Variants in NLRP12 observed in about 807,000 individuals in gnomAD.
NLRP12 encodes the protein NACHT, LRR and PYD domains-containing protein 12.
In NLRP12, 108 loss-of-function variants were observed where a neutral mutation model predicts 91.2. The ratio of observed to expected loss-of-function variants is 1.18; its 90% CI spans 1.01 to 1.39. The LOEUF (loss-of-function observed/expected upper bound fraction) is 1.39, where lower values mean the gene tolerates loss of function less well. Ranked by LOEUF, NLRP12 falls within the 40% of genes most tolerant of loss-of-function variation. NLRP12 has a pLI of 0.00. For synonymous variants in NLRP12, 613 were observed against 566.7 expected (o/e 1.08, Z -1.16); for missense variants, 1,530 against 1,352.7 (o/e 1.13, Z -2.06).
chr19:53,805,668 C>T, intron 4 of NLRP12: 1 of 602,012 alleles, frequency 1.7e-6, no homozygotes, highest in East Asian at 3.4e-5. Context: ...CAGACGTGTG[C>T]CACCATGCCT....
chr19:53,814,808 C>T, intron 2 of NLRP12, 100 bp downstream of exon 2: 1 of 924,934 alleles, frequency 1.1e-6, no homozygotes, highest in South Asian at 1.3e-5. Flanking sequence ...TTAATCCACC[C>T]CACGAATTCC....
intron 1 of NLRP12, among the ~76,000 whole-genome samples, chr19:53,819,447 ATATATATATATG>A (rs1359409128): frequency 1.2e-4 from 2 of 17,090 alleles, no homozygotes; most frequent in African/African-American, 3.8e-4. Context: ...ATATATATAT[ATATATATATATG>A]TGTGTGTGTG....
chr19:53,807,013 A>T (rs1018021028), intron 4 of NLRP12, among the ~76,000 whole-genome samples: 2 of 152,110 alleles, frequency 1.3e-5, no homozygotes, highest in Non-Finnish European at 2.9e-5. Flanking sequence ...GACTTCCAGC[A>T]GCCCCCCACC....
At chr19:53,814,539 C>T (rs532903919) in intron 2 of NLRP12, among the ~76,000 whole-genome samples, 1 of 152,156 alleles carries the variant, frequency 6.6e-6, no homozygotes, top group Non-Finnish European at 1.5e-5. Context: ...TTAGTAGAGA[C>T]GGGGTTTTGC....
chr19:53,819,401 C>A (rs1347268648), intron 1 of NLRP12, among the ~76,000 whole-genome samples: 3 of 117,732 alleles, frequency 2.5e-5, no homozygotes, highest in African/African-American at 6.5e-5. Flanking sequence ...TGTGCCACTA[C>A]GCCTGGCTAA....
At chr19:53,820,898 A>C (rs1426458052) in intron 1 of NLRP12, among the ~76,000 whole-genome samples, 1 of 151,908 alleles carries the variant, frequency 6.6e-6, no homozygotes, top group East Asian at 1.9e-4. Flanking sequence ...ACAATTCCAC[A>C]GCTCAAGTGC....
At chr19:53,811,975 G>A (rs577101839) in intron 2 of NLRP12, among the ~76,000 whole-genome samples, 1 of 152,022 alleles carries the variant, frequency 6.6e-6, no homozygotes, top group South Asian at 2.1e-4. Context: ...GGTGGCTCAC[G>A]CCTGTAATCC....
rs2122662483 is a variant in NLRP12, at chr19:53,810,029, G to T, written c.1630C>A (p.Leu544Met). 6.2e-7 allele frequency: 1 copy of T among 1,614,154 alleles called. No individual in the cohort carries two copies. Among genetic ancestry groups the T allele is most frequent in the Non-Finnish European group, 8.5e-7 (1 of 1,180,032 alleles). ...TCAGAAAACGCGTACTCGGTCAACA[G>T]CCTGGTCACGTCCTGGTCTGGGCCT... ...GAGPDQDVTR[L>M]LTEYAFSERS... is the part of the protein sequence containing the mutation. The change falls in exon 3 of 10, where the codon CTG (leucine) becomes ATG (methionine). Residue 544 changes from leucine to methionine, a missense_variant. Coordinates refer to ENST00000324134, the MANE Select transcript of NLRP12 (RefSeq NM_144687.4).
chr19:53,794,076 T>G lies in NLRP12; in HGVS notation c.3159A>C (p.Thr1053=). Residue 1053 remains threonine, a synonymous_variant, in exon 10 of 10, where the codon ACA becomes ACC. Coordinates refer to ENST00000324134, the MANE Select transcript of NLRP12 (RefSeq NM_144687.4). The part of the protein sequence containing the change: ...THSRLAALRV[T]KPYLDIGC Reference sequence around the variant, plus strand: ...AGCAGCCAATGTCCAAATAAGGTTTTGTTACTCGAAGCGCTGCCAACCTAC... The same window carrying G: ...AGCAGCCAATGTCCAAATAAGGTTTGGTTACTCGAAGCGCTGCCAACCTAC... 1.9e-6 allele frequency: 3 copies of G among 1,613,950 alleles called. No homozygotes were observed. The highest frequency in any genetic ancestry group is 2.5e-6 in the Non-Finnish European group (3 of 1,179,846).
chr19:53,801,437 C>CCTTT (rs935250815), intron 6 of NLRP12, 40 bp from the exon 7 acceptor site: 2 of 1,529,182 alleles, frequency 1.3e-6, no homozygotes, highest in Non-Finnish European at 8.8e-7. Context: ...TGGAGGCTTT[C>CCTTT]CTTTCTTTTT....
upstream of NLRP12, chr19:53,824,380 G>A: frequency 1.7e-6 from 1 of 591,438 alleles, no homozygotes; most frequent in Non-Finnish European, 3.0e-6. Context: ...CTCCTGCCCT[G>A]CCCCACTCAC....
At chr19:53,813,299 C>CTTTTTTTTTT (rs1160039078) in intron 2 of NLRP12, among the ~76,000 whole-genome samples, 12 of 86,034 alleles carry the variant, frequency 1.4e-4, no homozygotes, top group South Asian at 4.0e-4. Context: ...TTTTTCTTTT[C>CTTTTTTTTTT]TTTTTTTTTT....
At chr19:53,809,538 AAAAC>A (rs1555795530) in intron 3 of NLRP12, 45 bp downstream of exon 3, 3 of 1,456,880 alleles carry the variant, frequency 2.1e-6, no homozygotes, top group African/African-American at 1.7e-5. Context: ...AAAAAAAAAA[AAAAC>A]ACACGAACCT....
chr19:53,809,304 G>A (rs1284867244), intron 3 of NLRP12, among the ~76,000 whole-genome samples: 7 of 151,138 alleles, frequency 4.6e-5, no homozygotes, highest in Non-Finnish European at 8.8e-5. Flanking sequence ...AGGCCAAGGC[G>A]GGCAGATCAC....
At position 53,823,885 on chromosome 19, in the gene NLRP12, C is replaced by A; in HGVS notation, c.289+1G>T. ...CCTTGCCTGTCCCGCCACCTCCTTA[C>A]CCCTCACCAGGTCCTCTCTCTGTCC... On this transcript the variant is annotated splice_donor_variant, in intron 1 of 9. Transcript: ENST00000324134. LOFTEE classifies it high-confidence loss of function. 6.2e-7 allele frequency: 1 copy of A among 1,613,904 alleles called. No individual in the cohort carries two copies. The highest frequency in any genetic ancestry group is 8.5e-7 in the Non-Finnish European group (1 of 1,180,026).
chr19:53,819,453 A>ATGTG (rs1199379245), intron 1 of NLRP12, among the ~76,000 whole-genome samples: 5 of 7,630 alleles, frequency 6.6e-4, no homozygotes, highest in East Asian at 3.3e-3. Context: ...ATATATATAT[A>ATGTG]TATATGTGTG....
intron 2 of NLRP12, among the ~76,000 whole-genome samples, chr19:53,812,947 C>A (rs1048424930): frequency 7.0e-5 from 10 of 142,500 alleles, no homozygotes; most frequent in African/African-American, 2.3e-4. Context: ...GTGGCATGAT[C>A]TAGGCTCACT....
chr19:53,797,412 T>G (rs8103827), intron 8 of NLRP12, among the ~76,000 whole-genome samples: 3 of 151,954 alleles, frequency 2.0e-5, no homozygotes, highest in Non-Finnish European at 4.4e-5. Flanking sequence ...CATGAGCCAC[T>G]GTGCCCGGCC....
At position 53,824,093 on chromosome 19, in the gene NLRP12, ACTT is replaced by A. The variant is rs2092308139; in HGVS notation, c.79_81del (p.Lys27del). The A allele has an allele frequency of 5.0e-6, 8 of 1,613,844 alleles. No individual in the cohort carries two copies. Among genetic ancestry groups the A allele is most frequent in the Non-Finnish European group, 6.8e-6 (8 of 1,179,966 alleles). On this transcript the variant is annotated inframe_deletion, in exon 1 of 10. Coordinates refer to ENST00000324134, the MANE Select transcript of NLRP12 (RefSeq NM_144687.4). Reference sequence around the variant, plus strand: ...GTCGCGGTCCCCAGGTATAACTTGAACTTCTTCAGTTCCACAGCCTCGAGTTCT... The same window carrying A: ...GTCGCGGTCCCCAGGTATAACTTGAACTTCAGTTCCACAGCCTCGAGTTCT...
Sources: gnomAD v4.1 joint callset for allele counts (sites outside exome capture counted in the v4.1 genomes callset) on GRCh38, gnomAD v4.1.1 for gene constraint, MANE v1.5 for transcripts, NCBI Gene and HGNC (gene_info 2026-07-23, HGNC 2026-07-21) for gene names.